The following AACS variants were observed in gnomAD, a reference collection of about 807,000 sequenced individuals.
The protein encoded by AACS is acetoacetyl-CoA synthetase.
A neutral mutation model predicts 83.1 loss-of-function variants in AACS; 69 were observed. The observed-to-expected ratio is 0.83, with a 90% CI of 0.68 to 1.01. The LOEUF (loss-of-function observed/expected upper bound fraction) is 1.01. AACS is among the 50% of genes least tolerant of loss of function. AACS has a pLI of 0.00. For synonymous variants in AACS, 333 were observed against 343.4 expected (o/e 0.97, Z 0.33); for missense variants, 866 against 882.2 (o/e 0.98, Z 0.23).
chr12:125,089,214 C>T (rs914619581), intron 4 of AACS, among the ~76,000 whole-genome samples: 7 of 152,188 alleles, frequency 4.6e-5, no homozygotes, highest in African/African-American at 9.7e-5. Flanking sequence ...AACCATCTGC[C>T]GGATGTGGGT....
intron 16 of AACS, among the ~76,000 whole-genome samples, chr12:125,135,222 G>A (rs922591577): frequency 6.6e-6 from 1 of 151,652 alleles, no homozygotes. Flanking sequence ...TGCCTCCTCA[G>A]TAGCTGGGAT....
chr12:125,133,982 G>T (rs774426309), intron 14 of AACS, 21 bp from the exon 15 acceptor site: 2 of 1,613,944 alleles, frequency 1.2e-6, no homozygotes, highest in Admixed American at 3.3e-5. Flanking sequence ...GGATGACCGG[G>T]CACCTCTGCT....
intron 7 of AACS, 63 bp from the exon 8 acceptor site, chr12:125,107,058 C>T: frequency 6.2e-7 from 1 of 1,605,052 alleles, no homozygotes; most frequent in Non-Finnish European, 8.5e-7. Context: ...CGGGTGGAAT[C>T]AGTGGGTCCG....
chr12:125,087,491 C>T lies in AACS; in HGVS notation c.472+1048C>T, dbSNP rs144687516. Among the ~76,000 whole-genome samples, 863 of 152,292 alleles carry T rather than the reference C, an allele frequency of 5.7e-3. 12 individuals are homozygous for T. The highest frequency in any genetic ancestry group is 0.02 in the African/African-American group (820 of 41,562). The stretch of plus-strand genomic sequence containing the variant: ...GTACATGGGGATGAGCAGGTGCAGA[C>T]GAAGGAGATTTATCTTCCAGTGCAG... On this transcript the variant is annotated intron_variant, in intron 4 of 17. Transcript: ENST00000316519.
At chr12:125,134,163 T>C (rs1957367239) in intron 15 of AACS, 91 bp downstream of exon 15, 1 of 1,400,444 alleles carries the variant, frequency 7.1e-7, no homozygotes, top group Non-Finnish European at 9.7e-7. Flanking sequence ...TAAAAGTCAG[T>C]GACCCCCTTC....
At chr12:125,102,638 C>T (rs1956737967) in intron 5 of AACS, 41 bp from the exon 6 acceptor site, 2 of 1,593,472 alleles carry the variant, frequency 1.3e-6, no homozygotes, top group African/African-American at 1.3e-5. Flanking sequence ...TGGTTTTTGC[C>T]TTTTGGATGA....
chr12:125,094,675 CCTT>C lies in AACS; in HGVS notation c.570+3155_570+3157del, dbSNP rs1956563977. Among the ~76,000 whole-genome samples the C allele has an allele frequency of 1.3e-5, 2 of 152,202 alleles. No homozygotes were observed. Among genetic ancestry groups the C allele is most frequent in the South Asian group, 4.1e-4 (2 of 4,828 alleles). On this transcript the variant is annotated intron_variant, in intron 5 of 17. Coordinates refer to ENST00000316519, the MANE Select transcript of AACS (RefSeq NM_023928.5). The surrounding 1 kb of genome is among the most constrained non-coding windows in gnomAD (Gnocchi z 4.1). ...TGCTCTCTCCCACCACTGCCCACCTCCTTCTGCCTGCTCTCTGCTGGCTGCCTG... is the reference window on the plus strand; with the variant it reads ...TGCTCTCTCCCACCACTGCCCACCTCCTGCCTGCTCTCTGCTGGCTGCCTG...
chr12:125,121,609 GT>G (rs1349525382), intron 10 of AACS: 3 of 152,206 alleles, frequency 2.0e-5, no homozygotes, highest in African/African-American at 7.2e-5. Context: ...GTGTTTCTGG[GT>G]TCTAGTGAGG....
chr12:125,104,226 G>A (rs1038311076), intron 7 of AACS, among the ~76,000 whole-genome samples: 1 of 152,120 alleles, frequency 6.6e-6, no homozygotes, highest in African/African-American at 2.4e-5. Context: ...AGGGCACCTT[G>A]TACGTGGCTC....
rs191285654 is a variant in AACS, at chr12:125,094,005, C to T, written c.570+2482C>T. Among the ~76,000 whole-genome samples the T allele has an allele frequency of 3.9e-5, 6 of 152,284 alleles. No homozygotes were observed. The highest frequency in any genetic ancestry group is 3.4e-3 in the Middle Eastern group (1 of 294). On this transcript the variant is annotated intron_variant, in intron 5 of 17. Coordinates refer to ENST00000316519, the MANE Select transcript of AACS (RefSeq NM_023928.5). The surrounding 1 kb of genome is among the most constrained non-coding windows in gnomAD (Gnocchi z 4.1). The stretch of plus-strand genomic sequence containing the variant: ...CCACAGACACCTGGACACCCGCTGT[C>T]GGAGCTGAGTAAGGACCTGGCACAG...
chr12:125,133,813 G>A (rs548151809), intron 14 of AACS, among the ~76,000 whole-genome samples, 190 bp from the exon 15 acceptor site: 1 of 152,320 alleles, frequency 6.6e-6, no homozygotes, highest in African/African-American at 2.4e-5. Flanking sequence ...AGAGCTGCCC[G>A]GGCAGCAGCC....
chr12:125,082,881 C>G (rs1206662320), intron 3 of AACS, among the ~76,000 whole-genome samples: 1 of 152,060 alleles, frequency 6.6e-6, no homozygotes, highest in Non-Finnish European at 1.5e-5. Flanking sequence ...AACTGAAAAG[C>G]GATGATCAAT....
intron 1 of AACS, among the ~76,000 whole-genome samples, chr12:125,068,588 C>T (rs879892375): frequency 2.0e-5 from 3 of 152,208 alleles, no homozygotes; most frequent in Non-Finnish European, 2.9e-5. Context: ...AGGCCCCTCC[C>T]TTTAGTTTGG....
chr12:125,111,980 A>G (rs1956962825), intron 8 of AACS, among the ~76,000 whole-genome samples: 1 of 152,220 alleles, frequency 6.6e-6, no homozygotes. Context: ...GTGGGCTCCT[A>G]TCTCTGCTGT....
At position 125,130,957 on chromosome 12, in the gene AACS, A is replaced by T. The variant is rs768735102; in HGVS notation, c.1549+1497A>T. On this transcript the variant is annotated intron_variant, in intron 14 of 17. Coordinates refer to ENST00000316519, the MANE Select transcript of AACS (RefSeq NM_023928.5). This position sits in a 1 kb window ranked among gnomAD's most constrained non-coding sequence, Gnocchi z 4.9. ...CATGGACAAGGTGAACATAGGCTGC[A>T]CTTAGACCCTTCCTCAAGCACCAGC... is the stretch of plus-strand genomic sequence containing the variant. Among the ~76,000 whole-genome samples, 1 of 152,224 alleles carries T rather than the reference A, an allele frequency of 6.6e-6. No homozygotes were observed. Among genetic ancestry groups the T allele is most frequent in the Non-Finnish European group, 1.5e-5 (1 of 68,044 alleles).
At chr12:125,079,725 C>T (rs1348678832) in intron 3 of AACS, among the ~76,000 whole-genome samples, 1 of 152,112 alleles carries the variant, frequency 6.6e-6, no homozygotes, top group Admixed American at 6.6e-5. Flanking sequence ...ATTCATATAC[C>T]ACAGAAATAC....
At chr12:125,103,144 A>G in intron 7 of AACS, 63 bp downstream of exon 7, 1 of 1,417,856 alleles carries the variant, frequency 7.1e-7, no homozygotes, top group Non-Finnish European at 9.8e-7. Flanking sequence ...GCGGGGAAGT[A>G]GGCCTCTGGA....
At chr12:125,098,628 T>A (rs1956661084) in intron 5 of AACS, among the ~76,000 whole-genome samples, 1 of 152,064 alleles carries the variant, frequency 6.6e-6, no homozygotes, top group African/African-American at 2.4e-5. Flanking sequence ...ATTTTTGTAT[T>A]TTTAGTAGAG....
At chr12:125,068,870 C>T (rs904396006) in intron 1 of AACS, among the ~76,000 whole-genome samples, 3 of 148,592 alleles carry the variant, frequency 2.0e-5, no homozygotes, top group Admixed American at 1.3e-4. Flanking sequence ...GATGGAGTCT[C>T]GCTCTGTCAC....
Sources: gnomAD v4.1 joint callset for allele counts (sites outside exome capture counted in the v4.1 genomes callset) on GRCh38, gnomAD v4.1.1 for gene constraint, Gnocchi (gnomAD v3.1) non-coding constraint, MANE v1.5 for transcripts, NCBI Gene and HGNC (gene_info 2026-07-23, HGNC 2026-07-21) for gene names.